SLC39A8: variants seen among roughly 807,000 people sequenced by gnomAD.
SLC39A8 encodes the protein solute carrier family 39 member 8.
In SLC39A8, 15 loss-of-function variants were observed where a neutral mutation model predicts 40.4. That is an observed-to-expected ratio of 0.37 (90% CI 0.25 to 0.57). The LOEUF (loss-of-function observed/expected upper bound fraction) is 0.57, where lower values mean the gene tolerates loss of function less well. SLC39A8 is among the 20% of genes least tolerant of loss of function. The pLI is 0.75. For synonymous variants in SLC39A8, 223 were observed against 221.6 expected, an observed-to-expected ratio of 1.01 and a Z score of -0.06; for missense variants, 472 against 558.8, an observed-to-expected ratio of 0.84 and a Z score of 1.57.
intron 2 of SLC39A8, among the ~76,000 whole-genome samples, chr4:102,320,026 C>G (rs1159627925): frequency 2.0e-5 from 3 of 151,228 alleles, no homozygotes; most frequent in Non-Finnish European, 4.4e-5. Flanking sequence ...ACCACTGGCT[C>G]CTCTGGTTCT....
chr4:102,337,314 G>C (rs1735713492), intron 2 of SLC39A8, among the ~76,000 whole-genome samples: 1 of 150,930 alleles, frequency 6.6e-6, no homozygotes, highest in Non-Finnish European at 1.5e-5. Flanking sequence ...AAAAGTAATA[G>C]GTTTTTATGA....
intron 4 of SLC39A8, 60 bp from the exon 5 acceptor site, chr4:102,305,171 A>G (rs1382304535): frequency 5.2e-6 from 8 of 1,529,662 alleles, no homozygotes; most frequent in African/African-American, 1.4e-5. Context: ...ATTTCTGGAA[A>G]ATAATACCAG....
intron 6 of SLC39A8, among the ~76,000 whole-genome samples, chr4:102,293,785 G>T (rs79411313): frequency 0.033 from 5,046 of 151,984 alleles, 124 homozygotes; most frequent in Non-Finnish European, 0.05. Flanking sequence ...TCTCCACAAT[G>T]ATATTGATAT....
chr4:102,344,340 A>C (rs1736066141), intron 2 of SLC39A8, 104 bp downstream of exon 2: 1 of 769,112 alleles, frequency 1.3e-6, no homozygotes. Context: ...AAATATAACA[A>C]GATTCTTTCT....
chr4:102,321,384 G>C (rs1448016401), intron 2 of SLC39A8, among the ~76,000 whole-genome samples: 1 of 152,210 alleles, frequency 6.6e-6, no homozygotes, highest in Admixed American at 6.5e-5. Context: ...TGGGAGAATA[G>C]GATGGAGCCA....
chr4:102,317,816 T>C (rs1391153715), intron 2 of SLC39A8, among the ~76,000 whole-genome samples: 1 of 152,132 alleles, frequency 6.6e-6, no homozygotes, highest in Admixed American at 6.6e-5. Context: ...TTTTCAGAAT[T>C]AGCATGCTAA....
At chr4:102,263,891 A>T (rs906863010) in intron 8 of SLC39A8, among the ~76,000 whole-genome samples, 1 of 152,150 alleles carries the variant, frequency 6.6e-6, no homozygotes, top group East Asian at 1.9e-4. Context: ...TAATCACGAG[A>T]TTGCAGCAAT....
chr4:102,283,654 C>T (rs1207688756), intron 6 of SLC39A8, among the ~76,000 whole-genome samples: 1 of 152,176 alleles, frequency 6.6e-6, no homozygotes, highest in Non-Finnish European at 1.5e-5. Context: ...ATTGCAAAAA[C>T]TGATTGCAAA....
chr4:102,260,124 T>C (rs974424772), downstream of SLC39A8, among the ~76,000 whole-genome samples: 9 of 152,072 alleles, frequency 5.9e-5, no homozygotes, highest in African/African-American at 2.2e-4. Context: ...ATAGTTAAAG[T>C]GACAAGGGAT....
At chr4:102,258,104 G>GTTTTTT (rs752860248), downstream of SLC39A8, among the ~76,000 whole-genome samples, 5 of 146,134 alleles carry the variant, frequency 3.4e-5, no homozygotes, top group African/African-American at 1.4e-4. Flanking sequence ...AGTGTTTTTT[G>GTTTTTT]TTTTTTGTTT....
intron 6 of SLC39A8, among the ~76,000 whole-genome samples, chr4:102,297,947 A>C (rs557134057): frequency 6.6e-6 from 1 of 152,112 alleles, no homozygotes; most frequent in East Asian, 1.9e-4. Context: ...AAACTGGAAG[A>C]GGCCACAGGA....
chr4:102,312,187 T>A (rs901108315), intron 3 of SLC39A8, among the ~76,000 whole-genome samples: 2 of 151,610 alleles, frequency 1.3e-5, no homozygotes, highest in African/African-American at 4.8e-5. Flanking sequence ...GGCAATAGAG[T>A]GCCAAGTTAA....
chr4:102,307,338 TA>T, intron 4 of SLC39A8, 97 bp downstream of exon 4: 1 of 1,404,380 alleles, frequency 7.1e-7, no homozygotes, highest in Non-Finnish European at 9.9e-7. Context: ...AACTAGACCA[TA>T]AAACGCTGTA....
chr4:102,294,559 A>C (rs1733599040), intron 6 of SLC39A8, among the ~76,000 whole-genome samples: 1 of 152,056 alleles, frequency 6.6e-6, no homozygotes, highest in African/African-American at 2.4e-5. Context: ...TTTTCTCTTA[A>C]GAATATTCCA....
At chr4:102,310,778 G>C (rs148544380) in intron 3 of SLC39A8, among the ~76,000 whole-genome samples, 1 of 152,080 alleles carries the variant, frequency 6.6e-6, no homozygotes, top group South Asian at 2.1e-4. Context: ...CCATATATAC[G>C]TGGGACTTTC....
At chr4:102,329,978 C>T (rs1293488616) in intron 2 of SLC39A8, among the ~76,000 whole-genome samples, 1 of 152,072 alleles carries the variant, frequency 6.6e-6, no homozygotes. Context: ...TCTTTAAGAA[C>T]AAAGACACAA....
intron 2 of SLC39A8, among the ~76,000 whole-genome samples, chr4:102,334,588 T>G (rs1735593437): frequency 6.6e-6 from 1 of 152,184 alleles, no homozygotes; most frequent in African/African-American, 2.4e-5. Context: ...AGAGAACATA[T>G]GCCAGCTTCA....
intron 6 of SLC39A8, among the ~76,000 whole-genome samples, chr4:102,303,133 T>C (rs1197690996): frequency 6.6e-6 from 1 of 151,962 alleles, no homozygotes; most frequent in Non-Finnish European, 1.5e-5. Flanking sequence ...ATTTTGTTTT[T>C]AGCTGTTCAC....
chr4:102,316,678 G>A (rs1024109897), intron 2 of SLC39A8, among the ~76,000 whole-genome samples: 8 of 152,060 alleles, frequency 5.3e-5, no homozygotes, highest in African/African-American at 9.7e-5. Flanking sequence ...TTTAATAAAC[G>A]TAATTTAGGC....
Sources: allele counts gnomAD v4.1 joint callset (sites outside exome capture counted in the v4.1 genomes callset), GRCh38; gene constraint gnomAD v4.1.1; transcripts MANE v1.5; gene names NCBI Gene and HGNC (gene_info 2026-07-23, HGNC 2026-07-21).